YIPF7: variants seen among roughly 807,000 people sequenced by gnomAD.
YIPF7 encodes Yip1 domain family member 7.
A neutral mutation model predicts 27.2 loss-of-function variants in YIPF7; 35 were observed. That is an observed-to-expected ratio of 1.29 (90% CI 0.98 to 1.70). The LOEUF is 1.70. Ranked by LOEUF, YIPF7 falls within the 40% of genes most tolerant of loss-of-function variation. The pLI, the probability that YIPF7 is intolerant of heterozygous loss-of-function variation, is 0.00. For missense variants in YIPF7, 358 were observed against 303.7 expected (o/e 1.18, Z -1.33); for synonymous variants, 137 against 110.4 (o/e 1.24, Z -1.51).
upstream of YIPF7, among the ~76,000 whole-genome samples, chr4:44,654,314 A>G (rs9992587): frequency 0.55 from 82,796 of 151,814 alleles, 23,549 homozygotes; most frequent in Non-Finnish European, 0.64. Flanking sequence ...CATCTGTTTT[A>G]GTAATTGTTT....
chr4:44,661,981 G>C (rs576060942), intron 1 of YIPF7, among the ~76,000 whole-genome samples: 1 of 152,234 alleles, frequency 6.6e-6, no homozygotes, highest in South Asian at 2.1e-4. Context: ...TCTCTTTAAT[G>C]CTCTTTCTTT....
At chr4:44,645,837 T>C (rs1713508036) in intron 2 of YIPF7, among the ~76,000 whole-genome samples, 2 of 152,058 alleles carry the variant, frequency 1.3e-5, no homozygotes, top group African/African-American at 4.8e-5. Context: ...TAAGTACTCA[T>C]AAATACATAT....
At chr4:44,639,543 T>C (rs1435772900) in intron 2 of YIPF7, among the ~76,000 whole-genome samples, 1 of 152,200 alleles carries the variant, frequency 6.6e-6, no homozygotes, top group African/African-American at 2.4e-5. Flanking sequence ...ATTTTATATA[T>C]GTATGTATTT....
intron 5 of YIPF7, 135 bp downstream of exon 5, chr4:44,624,466 G>T: frequency 1.0e-6 from 1 of 993,094 alleles, no homozygotes. Flanking sequence ...CTTAATCTAT[G>T]AGTAGCTTTT....
chr4:44,637,159 T>C (rs1368500622), intron 2 of YIPF7, among the ~76,000 whole-genome samples: 2 of 152,214 alleles, frequency 1.3e-5, no homozygotes, highest in African/African-American at 2.4e-5. Context: ...TGGTGGATAC[T>C]AGGTTAATTT....
chr4:44,644,924 G>A (rs555407700), intron 2 of YIPF7, among the ~76,000 whole-genome samples: 1 of 152,202 alleles, frequency 6.6e-6, no homozygotes, highest in Non-Finnish European at 1.5e-5. Flanking sequence ...ATGATATCTG[G>A]TTGTTTAAAG....
In YIPF7 at chr4:44,622,593, G is replaced by T. The variant is rs369548094; in HGVS notation, c.609-17C>A. ...AAGATGCCCCTGCAGCAAAGACAAA[G>T]AAATGATTGCCTGTGCCAGTAGAAA... On this transcript the variant is annotated splice_polypyrimidine_tract_variant and intron_variant, in intron 5 of 5. Coordinates refer to ENST00000415895, the MANE Select transcript of YIPF7 (RefSeq NM_182592.3). 30 of 1,611,302 alleles carry T rather than the reference G, an allele frequency of 1.9e-5. No individual in the cohort carries two copies. In the African/African-American group the frequency reaches 2.7e-4, roughly 14 times the overall value.
At chr4:44,634,347 A>G (rs1293366223) in intron 3 of YIPF7, among the ~76,000 whole-genome samples, 1 of 152,144 alleles carries the variant, frequency 6.6e-6, no homozygotes, top group Non-Finnish European at 1.5e-5. Flanking sequence ...AGCCTTGACA[A>G]CATGGCAAAG....
At chr4:44,629,634 C>A (rs1192002752) in intron 3 of YIPF7, 86 bp from the exon 4 acceptor site, 1 of 1,001,924 alleles carries the variant, frequency 1.0e-6, no homozygotes, top group Non-Finnish European at 1.4e-6. Flanking sequence ...GTTAACATAT[C>A]TGATTAATTT....
chr4:44,644,801 A>C (rs2109595366), intron 2 of YIPF7, among the ~76,000 whole-genome samples: 1 of 152,262 alleles, frequency 6.6e-6, no homozygotes, highest in East Asian at 1.9e-4. Flanking sequence ...CTCACATTGA[A>C]ATGAAATCCC....
intron 5 of YIPF7, among the ~76,000 whole-genome samples, chr4:44,623,772 A>G (rs1388511899): frequency 1.3e-5 from 2 of 152,204 alleles, no homozygotes; most frequent in Non-Finnish European, 2.9e-5. Context: ...GAAAAAAGAA[A>G]AAAACATATT....
intron 5 of YIPF7, 37 bp downstream of exon 5, chr4:44,624,564 G>A (rs1304001482): frequency 1.3e-6 from 2 of 1,516,924 alleles, no homozygotes; most frequent in East Asian, 4.9e-5. Flanking sequence ...GGCTATGATT[G>A]TGCATGTGGG....
At chr4:44,657,207 T>C (rs1382697327) in intron 2 of YIPF7, among the ~76,000 whole-genome samples, 3 of 152,202 alleles carry the variant, frequency 2.0e-5, no homozygotes, top group Non-Finnish European at 2.9e-5. Context: ...TTCTATTTCA[T>C]AAAGAGTATC....
In YIPF7 at chr4:44,624,624, A is replaced by G. The variant is rs60959366; in HGVS notation, c.585T>C (p.Gly195=). ...YCLLPMVILS[G]CAMFFSLQGI... The stretch of plus-strand genomic sequence containing the variant: ...ACTGCAGTGAAAAGAACATGGCGCA[A>G]CCAGACAGGATGACCATGGGGAGCA... The change falls in exon 5 of 6, where the codon GGT becomes GGC. Residue 195 remains glycine (G), a synonymous_variant. Transcript: ENST00000415895. 0.4 allele frequency: 641,163 copies of G among 1,593,086 alleles called. 133,390 individuals are homozygous for G. The highest frequency in any genetic ancestry group is 0.65 in the African/African-American group (48,166 of 74,388).
chr4:44,624,228 C>T (rs972631544), intron 5 of YIPF7, among the ~76,000 whole-genome samples: 2 of 151,870 alleles, frequency 1.3e-5, no homozygotes, highest in Admixed American at 1.3e-4. Context: ...CCATGCCTGG[C>T]TAATTTTGTA....
At chr4:44,641,423 TG>T (rs1560327421) in intron 2 of YIPF7, among the ~76,000 whole-genome samples, 1 of 152,192 alleles carries the variant, frequency 6.6e-6, no homozygotes, top group Non-Finnish European at 1.5e-5. Context: ...GACATGTTTT[TG>T]CTTTTTATTT....
At chr4:44,661,872 T>G (rs1176834627) in intron 1 of YIPF7, among the ~76,000 whole-genome samples, 1 of 152,224 alleles carries the variant, frequency 6.6e-6, no homozygotes, top group Non-Finnish European at 1.5e-5. Context: ...ATTACCAAGT[T>G]AATTGGTTTT....
At chr4:44,650,218 T>C in intron 1 of YIPF7, 117 bp from the exon 2 acceptor site, 1 of 713,186 alleles carries the variant, frequency 1.4e-6, no homozygotes. Flanking sequence ...GAAAAAAAGA[T>C]GTCCTTTGAA....
chr4:44,661,384 T>A (rs1029325792), intron 1 of YIPF7, among the ~76,000 whole-genome samples: 12 of 151,924 alleles, frequency 7.9e-5, no homozygotes, highest in Non-Finnish European at 1.3e-4. Context: ...ACACAGGGGG[T>A]CTAACGTAGA....
Sources: gnomAD v4.1 joint callset for allele counts (sites outside exome capture counted in the v4.1 genomes callset) on GRCh38, gnomAD v4.1.1 for gene constraint, MANE v1.5 for transcripts, NCBI Gene and HGNC (gene_info 2026-07-23, HGNC 2026-07-21) for gene names.